The following BCAS3 variants were observed in gnomAD, a reference collection of about 807,000 sequenced individuals.
The protein encoded by BCAS3 is BCAS4/BCAS3 fusion.
A neutral mutation model predicts 116.1 loss-of-function variants in BCAS3; 53 were observed. The observed-to-expected ratio is 0.46, with a 90% CI of 0.37 to 0.57. The LOEUF (loss-of-function observed/expected upper bound fraction) is 0.57. Among genes scored for constraint, BCAS3 ranks in the 20% least tolerant of loss-of-function variants. The pLI is 0.00. For missense variants in BCAS3, 917 were observed against 1,165.4 expected, an observed-to-expected ratio of 0.79 and a Z score of 3.10; for synonymous variants, 391 against 408.2, an observed-to-expected ratio of 0.96 and a Z score of 0.51.
rs1487614286 is a variant in BCAS3 at position 61,352,920 on chromosome 17, T to C, written c.2426-15407T>C. 6.6e-6 allele frequency among the ~76,000 whole-genome samples: 1 copy of C among 152,224 alleles called. No homozygotes were observed. The highest frequency in any genetic ancestry group is 1.5e-5 in the Non-Finnish European group (1 of 68,044). ...AGGTATGAATTTCTCTTGTTTGCTTTAATGGAGTGTTAACCCCCGTCGCTG... is the reference window on the plus strand; with the variant it reads ...AGGTATGAATTTCTCTTGTTTGCTTCAATGGAGTGTTAACCCCCGTCGCTG... On this transcript the variant is annotated intron_variant, in intron 22 of 23. Transcript: ENST00000407086. The surrounding 1 kb of genome is among the most constrained non-coding windows in gnomAD (Gnocchi z 4.7).
chr17:61,097,408 G>A lies in BCAS3; in HGVS notation c.2425+12844G>A, dbSNP rs1445447101. The stretch of plus-strand genomic sequence containing the variant: ...TTAGCCAGGATGGTCTCGATCTCCT[G>A]ACCTTGTGATCCGCCTGCCTCGGCC... On this transcript the variant is annotated intron_variant, in intron 22 of 23. Transcript: ENST00000407086. This position sits in a 1 kb window ranked among gnomAD's most constrained non-coding sequence, Gnocchi z 4.0. Among the ~76,000 whole-genome samples, 4 of 152,154 alleles carry A rather than the reference G, an allele frequency of 2.6e-5. No individual in the cohort carries two copies. The highest frequency in any genetic ancestry group is 4.4e-5 in the Non-Finnish European group (3 of 68,034).
At chr17:60,914,855 A>T (rs1263535984) in intron 12 of BCAS3, among the ~76,000 whole-genome samples, 1 of 152,208 alleles carries the variant, frequency 6.6e-6, no homozygotes, top group Non-Finnish European at 1.5e-5. Context: ...AATTTTTGTC[A>T]TCAGTTAGGC....
chr17:60,763,583 C>T (rs2043772160), intron 6 of BCAS3, among the ~76,000 whole-genome samples: 1 of 152,082 alleles, frequency 6.6e-6, no homozygotes, highest in Non-Finnish European at 1.5e-5. Flanking sequence ...TGATGTGCTG[C>T]TGGATTCAGT....
At chr17:61,389,788 G>C (rs1342261531) in intron 23 of BCAS3, 2 of 152,484 alleles carry the variant, frequency 1.3e-5, no homozygotes, top group East Asian at 3.9e-4. Flanking sequence ...GGGCTGGGGT[G>C]CATCCACGAA....
chr17:60,990,686 G>T lies in BCAS3; in HGVS notation c.1486+451G>T, dbSNP rs1318473952. On this transcript the variant is annotated intron_variant, in intron 15 of 23. Coordinates refer to ENST00000407086, the MANE Select transcript of BCAS3 (RefSeq NM_017679.5). The surrounding 1 kb of genome is among the most constrained non-coding windows in gnomAD (Gnocchi z 5.1). ...TTTTGAGACGGAGTCTTGCACTGTA[G>T]CCTGGGCTGGCATGCAATGGCGTGA... 6.6e-6 allele frequency among the ~76,000 whole-genome samples: 1 copy of T among 151,034 alleles called. No homozygotes were observed. The highest frequency in any genetic ancestry group is 2.4e-5 in the African/African-American group (1 of 40,982).
chr17:60,924,469 G>T lies in BCAS3; in HGVS notation c.1056G>T (p.Lys352Asn), dbSNP rs900820105. The T allele has an allele frequency of 6.8e-6, 11 of 1,611,960 alleles. No individual in the cohort carries two copies. Among genetic ancestry groups the T allele is most frequent in the Non-Finnish European group, 9.3e-6 (11 of 1,178,974 alleles). Residue 352 changes from lysine to asparagine, a missense_variant, in exon 13 of 24, where the codon AAG (lysine) becomes AAT (asparagine). Physicochemically the swap from Lys to Asn is moderately conservative, Grantham distance 94 (BLOSUM62 0). Around this residue, in one of 3 missense-constraint regions of BCAS3, gnomAD observed 807 missense variants for 1,026.0 expected, o/e 0.79. Coordinates refer to ENST00000407086, the MANE Select transcript of BCAS3 (RefSeq NM_017679.5). ...TGGCCCACTTCCCTGCCCATGAGAA[G>T]CCAGTGTGCTGCATGGCTTTTAATA... ...GIVAHFPAHE[K>N]PVCCMAFNTS...
Position 61,392,307 on chromosome 17 carries a change from G to C in BCAS3, c.*182G>C. ...GAGACCCTTCTCCAAGCACCTCAGC[G>C]CACTTGCCCTCTGCCACACCTGTCG... On this transcript the variant is annotated 3_prime_UTR_variant, in exon 24 of 24. Transcript: ENST00000407086. The surrounding 1 kb of genome is among the most constrained non-coding windows in gnomAD (Gnocchi z 6.4). 2.9e-6 allele frequency: 2 copies of C among 695,496 alleles called. No homozygotes were observed. 43.1% of individuals were successfully genotyped at this position (695,496 alleles called of 1,614,324 possible).
chr17:60,866,667 G>T (rs1599281669), intron 7 of BCAS3, among the ~76,000 whole-genome samples: 1 of 152,114 alleles, frequency 6.6e-6, no homozygotes, highest in Admixed American at 6.5e-5. Context: ...TTTCTTTTTA[G>T]ATCGTGAGCT....
chr17:61,110,750 G>A (rs1390131364), intron 22 of BCAS3, among the ~76,000 whole-genome samples: 1 of 152,128 alleles, frequency 6.6e-6, no homozygotes, highest in Middle Eastern at 3.2e-3. Context: ...CACAGCTCAA[G>A]GAGGCCTGCC....
chr17:60,831,433 T>C (rs1411222197), intron 7 of BCAS3, among the ~76,000 whole-genome samples: 1 of 152,114 alleles, frequency 6.6e-6, no homozygotes, highest in East Asian at 1.9e-4. Context: ...CGCCTCAGCC[T>C]CCCAAAGTGC....
chr17:61,326,465 A>G lies in BCAS3; in HGVS notation c.2426-41862A>G, dbSNP rs1242504359. Among the ~76,000 whole-genome samples the G allele has an allele frequency of 6.6e-6, 1 of 152,118 alleles. No individual in the cohort carries two copies. Among genetic ancestry groups the G allele is most frequent in the Non-Finnish European group, 1.5e-5 (1 of 68,018 alleles). The stretch of plus-strand genomic sequence containing the variant: ...GCAGAGGGTGAGTTTTGAAAAGATC[A>G]CTCTGACCTTACTGTGGAAGACAGG... On this transcript the variant is annotated intron_variant, in intron 22 of 23. Coordinates refer to ENST00000407086, the MANE Select transcript of BCAS3 (RefSeq NM_017679.5). This position sits in a 1 kb window ranked among gnomAD's most constrained non-coding sequence, Gnocchi z 5.3.
chr17:61,172,293 A>G (rs1424892039), intron 22 of BCAS3, among the ~76,000 whole-genome samples: 1 of 152,188 alleles, frequency 6.6e-6, no homozygotes, highest in Non-Finnish European at 1.5e-5. Context: ...AACACTACCA[A>G]CGGCAGAACC....
Position 60,854,640 on chromosome 17 carries a change from A to G in BCAS3, c.477-13936A>G, listed in dbSNP as rs980233727. Among the ~76,000 whole-genome samples, 8 of 152,310 alleles carry G rather than the reference A, an allele frequency of 5.3e-5. 1 individual carries two copies. The highest frequency in any genetic ancestry group is 4.1e-4 in the South Asian group (2 of 4,830). Reference sequence around the variant, plus strand: ...CAGAGAAATGCAAATCAAAACCACAATGAGATACTATCTCACACCAGTTAG... The same window carrying G: ...CAGAGAAATGCAAATCAAAACCACAGTGAGATACTATCTCACACCAGTTAG... On this transcript the variant is annotated intron_variant, in intron 7 of 23. Transcript: ENST00000407086.
intron 23 of BCAS3, among the ~76,000 whole-genome samples, chr17:61,375,617 T>G (rs2064038116): frequency 6.7e-6 from 1 of 150,062 alleles, no homozygotes; most frequent in Non-Finnish European, 1.5e-5. Context: ...TCACCCAGAC[T>G]AGAGTGCAAT....
intron 22 of BCAS3, among the ~76,000 whole-genome samples, chr17:61,357,430 TA>T (rs963760339): frequency 2.6e-4 from 38 of 143,790 alleles, no homozygotes; most frequent in South Asian, 6.6e-4. Flanking sequence ...ATCCTCTCTC[TA>T]AAAAAAAAAA....
chr17:61,101,770 C>T (rs2074342769), intron 22 of BCAS3, among the ~76,000 whole-genome samples: 1 of 152,084 alleles, frequency 6.6e-6, no homozygotes, highest in Non-Finnish European at 1.5e-5. Flanking sequence ...AGAATTACCT[C>T]CCTACCTTGA....
At chr17:61,148,703 C>T (rs531902330) in intron 22 of BCAS3, among the ~76,000 whole-genome samples, 3 of 152,280 alleles carry the variant, frequency 2.0e-5, no homozygotes, top group South Asian at 2.1e-4. Context: ...TTTGTATTTG[C>T]GCACTCTCAA....
At chr17:61,312,601 A>G (rs1334205672) in intron 22 of BCAS3, among the ~76,000 whole-genome samples, 1 of 151,964 alleles carries the variant, frequency 6.6e-6, no homozygotes, top group African/African-American at 2.4e-5. Context: ...AATCCCACTC[A>G]CCATTTTGAT....
At position 61,339,501 on chromosome 17, in the gene BCAS3, T is replaced by C. The variant is rs1205824156; in HGVS notation, c.2426-28826T>C. 6.6e-6 allele frequency among the ~76,000 whole-genome samples: 1 copy of C among 152,126 alleles called. No individual in the cohort carries two copies. Among genetic ancestry groups the C allele is most frequent in the Non-Finnish European group, 1.5e-5 (1 of 68,014 alleles). ...GACTGAGGAGGCTGGAAACATTGGC[T>C]CAAGCCTGTAATCCCAGCAGTTGGG... On this transcript the variant is annotated intron_variant, in intron 22 of 23. Transcript: ENST00000407086. The surrounding 1 kb of genome is among the most constrained non-coding windows in gnomAD (Gnocchi z 4.4).
Sources: allele counts gnomAD v4.1 joint callset (sites outside exome capture counted in the v4.1 genomes callset), GRCh38; gene constraint gnomAD v4.1.1; regional missense constraint gnomAD v4.1.1; non-coding constraint Gnocchi (gnomAD v3.1); transcripts MANE v1.5; gene names NCBI Gene and HGNC (gene_info 2026-07-23, HGNC 2026-07-21).